The following TENM1 variants were observed in gnomAD, a reference collection of about 807,000 sequenced individuals.
TENM1 encodes teneurin-1.
Under a neutral mutation model 174.8 loss-of-function variants are expected in TENM1, and 35 were observed. That is an observed-to-expected ratio of 0.20 (90% CI 0.15 to 0.27). The LOEUF is 0.27. Ranked by LOEUF, TENM1 falls within the 10% of genes least tolerant of loss-of-function variation. The pLI is 1.00. For missense variants in TENM1, 1,633 were observed against 2,130.1 expected (o/e 0.77, Z 4.59); for synonymous variants, 781 against 798.7 (o/e 0.98, Z 0.37).
At chrX:124,607,738 CTTG>C (rs2050193055) in intron 11 of TENM1, among the ~76,000 whole-genome samples, 1 of 110,653 alleles carries the variant, frequency 9.0e-6, no homozygotes, top group Admixed American at 9.7e-5. Flanking sequence ...AAGGATTACT[CTTG>C]TTGTTCTGCT....
intron 21 of TENM1, among the ~76,000 whole-genome samples, chrX:124,486,544 G>A (rs144835199): frequency 0.015 from 1,719 of 111,731 alleles, 42 homozygotes; most frequent in African/African-American, 0.053. Context: ...ATTGGCATTC[G>A]GGAGTGAACA....
chrX:125,115,697 C>T, the TENM1 span, among the ~76,000 whole-genome samples: 6 of 110,985 alleles, frequency 5.4e-5, no homozygotes, highest in South Asian at 1.9e-3. Context: ...TGAAGGACCT[C>T]TTCAAGGAGA....
intron 4 of TENM1, among the ~76,000 whole-genome samples, chrX:124,719,064 A>G (rs2053250570): frequency 9.0e-6 from 1 of 111,509 alleles, no homozygotes; most frequent in Admixed American, 9.5e-5. Flanking sequence ...TGAAGTTGAG[A>G]ACCATTTGTC....
intron 3 of TENM1, among the ~76,000 whole-genome samples, chrX:124,759,824 T>C (rs2054363633): frequency 1.8e-5 from 2 of 111,978 alleles, no homozygotes; most frequent in South Asian, 7.4e-4. Flanking sequence ...TTGGTTTAGG[T>C]TGCCATAACA....
chrX:125,041,666 T>G, the TENM1 span, among the ~76,000 whole-genome samples: 1 of 112,154 alleles, frequency 8.9e-6, no homozygotes, highest in Non-Finnish European at 1.9e-5. Flanking sequence ...AAGGAATAAA[T>G]GTGAGTGTAC....
At chrX:124,764,053 C>T (rs888437937) in intron 3 of TENM1, among the ~76,000 whole-genome samples, 1 of 112,398 alleles carries the variant, frequency 8.9e-6, no homozygotes, top group Admixed American at 9.5e-5. Context: ...ATTCATGTTA[C>T]TTTATCAAAG....
rs748379988 is a variant in TENM1 at position 124,642,009 on chromosome X, TG to T, written c.1877-19del. On this transcript the variant is annotated intron_variant, in intron 10 of 31. Transcript: ENST00000422452. ...GCAGTCCTCTGAAGGCACAAAAAAG[TG>T]GGGGGGAGGGGTGATTAATAGTGAA... is the stretch of plus-strand genomic sequence containing the variant. The T allele has an allele frequency of 8.8e-5, 103 of 1,170,123 alleles. No homozygotes were observed. The Middle Eastern group carries it at 1.4e-3, about 16-fold the overall frequency.
intron 6 of TENM1, among the ~76,000 whole-genome samples, chrX:124,670,658 C>G (rs1175012698): frequency 9.0e-6 from 1 of 111,232 alleles, no homozygotes; most frequent in Non-Finnish European, 1.9e-5. Flanking sequence ...GTTACCTTTT[C>G]AAAAGCACAC....
At chrX:124,576,401 G>A (rs2858424) in intron 11 of TENM1, among the ~76,000 whole-genome samples, 26,456 of 110,571 alleles carry the variant, frequency 0.24, 2,410 homozygotes, top group South Asian at 0.4. Context: ...TGTCATGAGT[G>A]GTAGGCCATG....
chrX:124,907,394 A>G (rs1384951275), intron 1 of TENM1, among the ~76,000 whole-genome samples: 1 of 112,394 alleles, frequency 8.9e-6, no homozygotes, highest in Non-Finnish European at 1.9e-5. Flanking sequence ...TTTATTCCTA[A>G]TCTGGCAGGA....
chrX:124,537,676 G>A (rs1232121116), intron 15 of TENM1, among the ~76,000 whole-genome samples: 1 of 112,015 alleles, frequency 8.9e-6, no homozygotes, highest in Non-Finnish European at 1.9e-5. Flanking sequence ...GTGGAGATGA[G>A]CTATAGCATG....
intron 16 of TENM1, among the ~76,000 whole-genome samples, chrX:124,524,203 T>G (rs1160782098): frequency 9.0e-6 from 1 of 111,594 alleles, no homozygotes; most frequent in Non-Finnish European, 1.9e-5. Context: ...TAACACTATC[T>G]TAAACAAAAA....
At chrX:124,766,380 T>A (rs1021698905) in intron 3 of TENM1, among the ~76,000 whole-genome samples, 1 of 111,908 alleles carries the variant, frequency 8.9e-6, no homozygotes, top group Admixed American at 9.5e-5. Context: ...ATATAATATA[T>A]CCTAGAACAT....
At chrX:125,144,583 C>A in the TENM1 span, among the ~76,000 whole-genome samples, 1 of 111,494 alleles carries the variant, frequency 9.0e-6, no homozygotes, top group Admixed American at 9.6e-5. Context: ...GAACTTTGAC[C>A]ATAATGAACC....
chrX:124,482,772 AGTTT>A (rs2046873158), intron 21 of TENM1, among the ~76,000 whole-genome samples: 1 of 111,768 alleles, frequency 8.9e-6, no homozygotes, highest in African/African-American at 3.3e-5. Context: ...TAGATGGCTG[AGTTT>A]GTTTATTATT....
the TENM1 span, among the ~76,000 whole-genome samples, chrX:125,004,075 A>G: frequency 8.9e-6 from 1 of 111,989 alleles, no homozygotes; most frequent in African/African-American, 3.2e-5. Flanking sequence ...ACACCACAAT[A>G]CTAATGAGTA....
At chrX:124,574,664 T>C (rs1022701932) in intron 11 of TENM1, among the ~76,000 whole-genome samples, 1 of 101,213 alleles carries the variant, frequency 9.9e-6, no homozygotes, top group African/African-American at 3.7e-5. Context: ...CAATTTTTGT[T>C]GGGGAAACTA....
chrX:125,108,419 T>C, the TENM1 span, among the ~76,000 whole-genome samples: 1 of 111,740 alleles, frequency 8.9e-6, no homozygotes, highest in Non-Finnish European at 1.9e-5. Flanking sequence ...ATAGCTCATA[T>C]GATTGATAAA....
At chrX:124,893,480 A>G (rs1442173845) in intron 3 of TENM1, among the ~76,000 whole-genome samples, 2 of 112,524 alleles carry the variant, frequency 1.8e-5, no homozygotes, top group Non-Finnish European at 3.8e-5. Flanking sequence ...TAATCCAATA[A>G]TAACAGTGAA....
Sources: gnomAD v4.1 joint callset for allele counts (sites outside exome capture counted in the v4.1 genomes callset) on GRCh38, gnomAD v4.1.1 for gene constraint, MANE v1.5 for transcripts, NCBI Gene and HGNC (gene_info 2026-07-23, HGNC 2026-07-21) for gene names.